TLN2: variants seen among roughly 807,000 people sequenced by gnomAD.
The protein encoded by TLN2 is talin 2.
Under a neutral mutation model 294.7 loss-of-function variants are expected in TLN2, and 118 were observed. That is an observed-to-expected ratio of 0.40 (90% CI 0.34 to 0.47). The LOEUF is 0.47. Among genes scored for constraint, TLN2 ranks in the 20% least tolerant of loss-of-function variants. The probability of loss-of-function intolerance (pLI) is 0.84; values close to 1 mark genes in which losing one functional copy is unlikely to be tolerated. For missense variants in TLN2, 3,083 were observed against 3,282.2 expected, an observed-to-expected ratio of 0.94 and a Z score of 1.48; for synonymous variants, 1,431 against 1,304.5, an observed-to-expected ratio of 1.10 and a Z score of -2.09.
intron 1 of TLN2, among the ~76,000 whole-genome samples, chr15:62,496,061 A>T (rs951248855): frequency 6.6e-6 from 1 of 152,196 alleles, no homozygotes; most frequent in Non-Finnish European, 1.5e-5. Context: ...TTGGAAGGCA[A>T]TTGTAGTGGA....
intron 12 of TLN2, among the ~76,000 whole-genome samples, chr15:62,688,139 A>C (rs1405355201): frequency 6.6e-6 from 1 of 152,176 alleles, no homozygotes; most frequent in Non-Finnish European, 1.5e-5. Flanking sequence ...ATTGAAAACA[A>C]AAATTTATTT....
intron 1 of TLN2, among the ~76,000 whole-genome samples, chr15:62,457,849 G>C (rs2036569158): frequency 6.6e-6 from 1 of 152,216 alleles, no homozygotes; most frequent in South Asian, 2.1e-4. Context: ...CCCCTCTGCT[G>C]TGTCACCTCC....
At chr15:62,526,166 G>C (rs967484026) in intron 1 of TLN2, among the ~76,000 whole-genome samples, 10 of 152,246 alleles carry the variant, frequency 6.6e-5, no homozygotes, top group African/African-American at 2.4e-4. Flanking sequence ...GGCTCTCTCT[G>C]TCACCCAGGC....
At chr15:62,646,933 A>T (rs991345872) in intron 3 of TLN2, among the ~76,000 whole-genome samples, 3 of 151,980 alleles carry the variant, frequency 2.0e-5, no homozygotes, top group Non-Finnish European at 4.4e-5. Context: ...GAGGACATTA[A>T]CCCTAGAAAT....
intron 1 of TLN2, among the ~76,000 whole-genome samples, chr15:62,471,496 C>T (rs756617932): frequency 2.6e-4 from 40 of 152,218 alleles, no homozygotes; most frequent in Non-Finnish European, 4.4e-4. Context: ...CTACCCCAGC[C>T]GCACCCTGTA....
chr15:62,761,907 A>G (rs2062698868), intron 38 of TLN2, 86 bp downstream of exon 38: 1 of 1,557,118 alleles, frequency 6.4e-7, no homozygotes, highest in East Asian at 2.3e-5. Flanking sequence ...AAACTCCAAC[A>G]GCTCTCTCTG....
intron 50 of TLN2, among the ~76,000 whole-genome samples, chr15:62,802,403 T>C (rs2065987602): frequency 1.6e-5 from 2 of 122,484 alleles, no homozygotes; most frequent in Admixed American, 8.7e-5. Context: ...GACACACATA[T>C]ACAATGGTAC....
At chr15:62,503,282 C>T (rs940411654) in intron 1 of TLN2, among the ~76,000 whole-genome samples, 1 of 152,216 alleles carries the variant, frequency 6.6e-6, no homozygotes, top group Admixed American at 6.5e-5. Context: ...TAGGAAGTGG[C>T]CATCAGTCCT....
At chr15:62,540,255 G>A (rs1268706628) in intron 1 of TLN2, among the ~76,000 whole-genome samples, 4 of 152,052 alleles carry the variant, frequency 2.6e-5, no homozygotes, top group African/African-American at 4.8e-5. Flanking sequence ...CAGGAGAATC[G>A]CTTGAACCCG....
chr15:62,747,258 AT>A (rs938155276), intron 32 of TLN2, among the ~76,000 whole-genome samples: 1 of 152,226 alleles, frequency 6.6e-6, no homozygotes. Flanking sequence ...GCACAAAGTG[AT>A]TAATTTTCTT....
chr15:62,776,764 G>T lies in TLN2; in HGVS notation c.5368G>T (p.Ala1790Ser). 6.6e-7 allele frequency: 1 copy of T among 1,520,226 alleles called. No homozygotes were observed. The highest frequency in any genetic ancestry group is 8.9e-7 in the Non-Finnish European group (1 of 1,127,308). The allele number at this position is 1,520,226 out of a possible 1,614,324, so 94.2% of individuals were successfully genotyped here. The change falls in exon 43 of 59, where the codon GCA (alanine) becomes TCA (serine). Residue 1790 changes from alanine (A) to serine (S), a missense_variant and splice_region_variant. Physicochemically the swap from Ala to Ser is moderately conservative, Grantham distance 99. Coordinates refer to ENST00000636159, the MANE Select transcript of TLN2 (RefSeq NM_015059.3). Reference sequence around the variant, plus strand: ...AAATGTTTCACAATTCCCTTCTCAGGCACAACACACCCATGACGCCATCAC... The same window carrying T: ...AAATGTTTCACAATTCCCTTCTCAGTCACAACACACCCATGACGCCATCAC... ...AAKEGGGNPK[A>S]QHTHDAITEA... is the part of the protein sequence containing the mutation.
At chr15:62,733,406 A>G (rs1360367736) in intron 28 of TLN2, among the ~76,000 whole-genome samples, 1 of 152,238 alleles carries the variant, frequency 6.6e-6, no homozygotes. Flanking sequence ...TTCCTTGTCC[A>G]TAATTGAGGT....
chr15:62,398,790 T>G (rs776935738), intron 1 of TLN2, among the ~76,000 whole-genome samples: 21 of 152,094 alleles, frequency 1.4e-4, no homozygotes, highest in Non-Finnish European at 3.1e-4. Context: ...GCAGAGCATT[T>G]AGGAGGTGAC....
At chr15:62,675,438 A>G in intron 11 of TLN2, 117 bp downstream of exon 11, 1 of 1,017,760 alleles carries the variant, frequency 9.8e-7, no homozygotes, top group African/African-American at 1.6e-5. Flanking sequence ...TGCGGGTGGA[A>G]CATCTGGCTA....
chr15:62,622,882 C>T (rs997690947), intron 3 of TLN2, among the ~76,000 whole-genome samples: 17 of 152,300 alleles, frequency 1.1e-4, no homozygotes, highest in South Asian at 8.3e-4. Context: ...TGTAATAACA[C>T]TCTAAGCTGT....
At chr15:62,652,164 T>G in intron 6 of TLN2, 30 bp downstream of exon 6, 1 of 1,476,836 alleles carries the variant, frequency 6.8e-7, no homozygotes, top group Non-Finnish European at 9.0e-7. Context: ...CATTATGTCT[T>G]TTTGCTTAGT....
intron 18 of TLN2, 106 bp downstream of exon 18, chr15:62,702,306 G>A (rs2058766049): frequency 8.0e-7 from 1 of 1,248,996 alleles, no homozygotes; most frequent in Non-Finnish European, 1.1e-6. Context: ...GTCTTGATGG[G>A]GTGTGTTTCT....
chr15:62,614,900 G>A (rs1014360986), intron 2 of TLN2, among the ~76,000 whole-genome samples: 1 of 152,112 alleles, frequency 6.6e-6, no homozygotes, highest in Non-Finnish European at 1.5e-5. Context: ...CCGCCTCCCA[G>A]GTTCAAGCGA....
chr15:62,753,909 C>T lies in TLN2; in HGVS notation c.4469C>T (p.Pro1490Leu). ...AACTTGGTGGACCCTGGCAGCAGCC[C>T]ATCACAGGTAACTGTTGGGGAGGAT... ...CQNLVDPGSSPSQVLSAATIV... is the reference protein window; with the variant it reads ...CQNLVDPGSSLSQVLSAATIV... The change falls in exon 36 of 59, where the codon CCA (proline) becomes CTA (leucine). Residue 1490 changes from proline (P) to leucine (L), a missense_variant. Coordinates refer to ENST00000636159, the MANE Select transcript of TLN2 (RefSeq NM_015059.3). The T allele has an allele frequency of 1.9e-6, 3 of 1,603,302 alleles. No individual in the cohort carries two copies. The highest frequency in any genetic ancestry group is 2.6e-6 in the Non-Finnish European group (3 of 1,174,632).
Sources: gnomAD v4.1 joint callset for allele counts (sites outside exome capture counted in the v4.1 genomes callset) on GRCh38, gnomAD v4.1.1 for gene constraint, MANE v1.5 for transcripts, NCBI Gene and HGNC (gene_info 2026-07-23, HGNC 2026-07-21) for gene names.